GPR55: variants seen among roughly 807,000 people sequenced by gnomAD.
GPR55 encodes G-protein coupled receptor 55.
A neutral mutation model predicts 7.9 loss-of-function variants in GPR55; 6 were observed. The ratio of observed to expected loss-of-function variants is 0.76; its 90% CI spans 0.41 to 1.49. The LOEUF is 1.49. GPR55 is among the 40% of genes most tolerant of loss of function. The pLI is 0.01. For missense variants in GPR55, 376 were observed against 406.0 expected (o/e 0.93, Z 0.63); for synonymous variants, 183 against 166.8 (o/e 1.10, Z -0.75).
chr2:230,935,951 T>C (rs768019723), intron 1 of GPR55, among the ~76,000 whole-genome samples: 2 of 152,198 alleles, frequency 1.3e-5, no homozygotes, highest in Non-Finnish European at 2.9e-5. Context: ...GATGCCCAGC[T>C]TGTATATACT....
chr2:230,960,910 C>T (rs2125073920), exon 1 of GPR55: 1 of 152,168 alleles, frequency 6.6e-6, no homozygotes, highest in South Asian at 2.1e-4. Flanking sequence ...GTAGGGAAGC[C>T]CCACATTTTC....
intron 1 of GPR55, among the ~76,000 whole-genome samples, chr2:230,941,581 G>A (rs1352351974): frequency 6.6e-6 from 1 of 152,046 alleles, no homozygotes; most frequent in Non-Finnish European, 1.5e-5. Context: ...TCCTATTTGC[G>A]ATGCCGTCAC....
At chr2:230,917,116 A>G (rs1690734179) in intron 1 of GPR55, among the ~76,000 whole-genome samples, 1 of 152,260 alleles carries the variant, frequency 6.6e-6, no homozygotes, top group African/African-American at 2.4e-5. Context: ...TTATTTTTAT[A>G]GAATAAAATA....
At chr2:230,938,558 G>T (rs777301238) in intron 1 of GPR55, among the ~76,000 whole-genome samples, 3 of 152,220 alleles carry the variant, frequency 2.0e-5, no homozygotes, top group African/African-American at 4.8e-5. Context: ...AAAGACTGGG[G>T]CAGTTTGACT....
At chr2:230,946,796 C>T (rs747657635) in intron 1 of GPR55, among the ~76,000 whole-genome samples, 10 of 152,228 alleles carry the variant, frequency 6.6e-5, no homozygotes, top group Non-Finnish European at 1.2e-4. Flanking sequence ...CCCAGCCCAT[C>T]AGACCTTTTA....
intron 1 of GPR55, among the ~76,000 whole-genome samples, chr2:230,946,942 A>T (rs1401460010): frequency 4.6e-5 from 7 of 152,192 alleles, no homozygotes; most frequent in Non-Finnish European, 1.5e-5. Flanking sequence ...TCTTAATCAC[A>T]TCATATTTTA....
chr2:230,957,058 CT>C (rs1559181818), intron 1 of GPR55, among the ~76,000 whole-genome samples: 1 of 152,074 alleles, frequency 6.6e-6, no homozygotes, highest in East Asian at 1.9e-4. Context: ...TTCGTCTTAA[CT>C]AAGCACTTAT....
chr2:230,916,480 T>A (rs1422761684), intron 1 of GPR55, among the ~76,000 whole-genome samples: 2 of 151,750 alleles, frequency 1.3e-5, no homozygotes, highest in African/African-American at 4.8e-5. Flanking sequence ...GCCATGATCG[T>A]GCCACTGCAC....
chr2:230,959,744 C>T (rs764808748), intron 1 of GPR55, among the ~76,000 whole-genome samples: 6 of 152,170 alleles, frequency 3.9e-5, no homozygotes, highest in Non-Finnish European at 8.8e-5. Context: ...AACAACCCTT[C>T]ATCCTTCTCT....
chr2:230,935,145 G>A (rs1326749803), intron 1 of GPR55, among the ~76,000 whole-genome samples: 1 of 152,198 alleles, frequency 6.6e-6, no homozygotes, highest in Non-Finnish European at 1.5e-5. Context: ...GCACCATCGT[G>A]ACCACATTTC....
chr2:230,935,361 G>T (rs1691117699), intron 1 of GPR55, among the ~76,000 whole-genome samples: 1 of 152,194 alleles, frequency 6.6e-6, no homozygotes, highest in African/African-American at 2.4e-5. Flanking sequence ...AAGGCTGACG[G>T]GCTCCATGGA....
intron 1 of GPR55, among the ~76,000 whole-genome samples, chr2:230,921,917 G>A (rs566239835): frequency 2.6e-5 from 4 of 152,350 alleles, no homozygotes; most frequent in South Asian, 4.1e-4. Flanking sequence ...TGATCGTGAC[G>A]TGTTCCACCA....
rs746914659 is a variant in GPR55 at position 230,910,521 on chromosome 2, G to C, written c.442C>G (p.Leu148Val). 3 of 1,614,188 alleles carry C rather than the reference G, an allele frequency of 1.9e-6. No homozygotes were observed. The South Asian group carries it at 3.3e-5, about 18-fold the overall frequency. Residue 148 changes from leucine (L) to valine (V), a missense_variant, in exon 2 of 2, where the codon CTG becomes GTG. Coordinates refer to ENST00000650999, the MANE Select transcript of GPR55 (RefSeq NM_005683.4). This position sits in a 1 kb window ranked among gnomAD's most constrained non-coding sequence, Gnocchi z 5.4. ...IFGICCTIWV[L>V]VWTGSIPIYS... ...ATAGGGATGCTTCCGGTCCACACCA[G>C]GACCCAGATGGTGCAGCAGATCCCA... is the stretch of plus-strand genomic sequence containing the variant.
At chr2:230,943,571 C>T (rs1691267846) in intron 1 of GPR55, among the ~76,000 whole-genome samples, 1 of 152,196 alleles carries the variant, frequency 6.6e-6, no homozygotes, top group Non-Finnish European at 1.5e-5. Flanking sequence ...AAGAGCTATC[C>T]CCGTCCAGGG....
intron 1 of GPR55, among the ~76,000 whole-genome samples, chr2:230,935,833 C>A (rs1230305543): frequency 1.3e-5 from 2 of 152,204 alleles, no homozygotes; most frequent in Non-Finnish European, 2.9e-5. Context: ...GCTGAGCATC[C>A]TAAAACCAAA....
intron 1 of GPR55, chr2:230,957,672 T>C (rs1009785637): frequency 1.8e-6 from 1 of 544,936 alleles, no homozygotes; most frequent in African/African-American, 1.9e-5. Flanking sequence ...GTTGAAAATA[T>C]TCCCTGTGCC....
At chr2:230,925,527 G>A (rs948541943), upstream of GPR55, among the ~76,000 whole-genome samples, 5 of 152,162 alleles carry the variant, frequency 3.3e-5, no homozygotes, top group Admixed American at 6.5e-5. Flanking sequence ...CACTGCATGT[G>A]TCAAGCCCTG....
chr2:230,931,559 AT>A (rs1333230164), intron 1 of GPR55, among the ~76,000 whole-genome samples: 1 of 152,118 alleles, frequency 6.6e-6, no homozygotes, highest in Non-Finnish European at 1.5e-5. Context: ...CAGGGTGGAA[AT>A]GGAGGCATTG....
intron 1 of GPR55, among the ~76,000 whole-genome samples, chr2:230,931,980 G>T (rs76918761): frequency 6.6e-6 from 1 of 151,992 alleles, no homozygotes; most frequent in East Asian, 1.9e-4. Context: ...ACCCCAGCCC[G>T]GTCCCGTCGA....
Sources: gnomAD v4.1 joint callset for allele counts (sites outside exome capture counted in the v4.1 genomes callset) on GRCh38, gnomAD v4.1.1 for gene constraint, Gnocchi (gnomAD v3.1) non-coding constraint, MANE v1.5 for transcripts, NCBI Gene and HGNC (gene_info 2026-07-23, HGNC 2026-07-21) for gene names.